DHX15: variants seen among roughly 807,000 people sequenced by gnomAD.
The protein encoded by DHX15 is DEAH-box helicase 15.
A neutral mutation model predicts 94.4 loss-of-function variants in DHX15; 11 were observed. The ratio of observed to expected loss-of-function variants is 0.12; its 90% CI spans 0.07 to 0.19. The LOEUF (loss-of-function observed/expected upper bound fraction) is 0.19. Ranked by LOEUF, DHX15 falls within the 10% of genes least tolerant of loss-of-function variation. DHX15 has a pLI of 1.00. For missense variants in DHX15, 304 were observed against 988.5 expected, an observed-to-expected ratio of 0.31 and a Z score of 9.29; for synonymous variants, 338 against 329.9, an observed-to-expected ratio of 1.02 and a Z score of -0.27.
chr4:24,529,112 C>A (rs1340423490), intron 13 of DHX15, among the ~76,000 whole-genome samples: 1 of 152,170 alleles, frequency 6.6e-6, no homozygotes, highest in African/African-American at 2.4e-5. Flanking sequence ...CAACCTCAAA[C>A]TCCTGGGCTC....
At chr4:24,544,384 G>A (rs1002535333) in intron 6 of DHX15, among the ~76,000 whole-genome samples, 4 of 152,004 alleles carry the variant, frequency 2.6e-5, no homozygotes, top group Admixed American at 2.6e-4. Context: ...CTACCAAGAG[G>A]GTATTTCAGA....
intron 3 of DHX15, among the ~76,000 whole-genome samples, chr4:24,570,348 C>T (rs1375469710): frequency 6.6e-6 from 1 of 152,166 alleles, no homozygotes; most frequent in Non-Finnish European, 1.5e-5. Context: ...CTTTCCTTTT[C>T]TTTCACAATT....
At chr4:24,583,744 C>T (rs1042473411) in intron 1 of DHX15, among the ~76,000 whole-genome samples, 1 of 152,234 alleles carries the variant, frequency 6.6e-6, no homozygotes, top group African/African-American at 2.4e-5. Flanking sequence ...CCCACCTCCC[C>T]CGAGAACTCC....
chr4:24,574,726 A>T (rs551611428), intron 2 of DHX15, among the ~76,000 whole-genome samples: 1 of 152,320 alleles, frequency 6.6e-6, no homozygotes, highest in South Asian at 2.1e-4. Context: ...GTGGTGATGA[A>T]TATCTTCCTG....
At chr4:24,530,080 A>G (rs1721041760) in intron 12 of DHX15, 2 of 409,116 alleles carry the variant, frequency 4.9e-6, no homozygotes, top group South Asian at 5.2e-5. Flanking sequence ...TTCAGTATCC[A>G]TAAGGAAAGT....
At chr4:24,562,490 G>A (rs746157111) in intron 3 of DHX15, among the ~76,000 whole-genome samples, 3 of 152,118 alleles carry the variant, frequency 2.0e-5, no homozygotes, top group African/African-American at 4.8e-5. Context: ...AATTTCTTCC[G>A]TAATGGTCCC....
intron 2 of DHX15, among the ~76,000 whole-genome samples, chr4:24,573,121 G>A (rs982376828): frequency 2.6e-5 from 4 of 152,122 alleles, no homozygotes; most frequent in African/African-American, 7.2e-5. Flanking sequence ...ATATTGGCCA[G>A]GCTGGTCTCA....
intron 1 of DHX15, among the ~76,000 whole-genome samples, chr4:24,583,169 T>G (rs1722456204): frequency 6.6e-6 from 1 of 152,234 alleles, no homozygotes. Flanking sequence ...TGCAAAGTAT[T>G]TGGCTACTCG....
intron 1 of DHX15, among the ~76,000 whole-genome samples, chr4:24,577,324 C>T (rs1372809722): frequency 1.3e-5 from 2 of 152,292 alleles, no homozygotes; most frequent in Middle Eastern, 3.4e-3. Flanking sequence ...ATACGAATTA[C>T]AGGACTGCAG....
chr4:24,582,494 A>G (rs371246309), intron 1 of DHX15, among the ~76,000 whole-genome samples: 2 of 152,348 alleles, frequency 1.3e-5, no homozygotes. Flanking sequence ...TCCCTCCCAG[A>G]ATATTTTGTT....
intron 7 of DHX15, among the ~76,000 whole-genome samples, chr4:24,542,388 C>G (rs1040674111): frequency 5.4e-4 from 82 of 152,266 alleles, no homozygotes; most frequent in African/African-American, 1.9e-3. Flanking sequence ...GGTCTGAGTA[C>G]TATTACTCTG....
At chr4:24,529,278 A>G (rs1484212318) in intron 13 of DHX15, among the ~76,000 whole-genome samples, 1 of 152,058 alleles carries the variant, frequency 6.6e-6, no homozygotes, top group African/African-American at 2.4e-5. Context: ...GCTTCAAGTG[A>G]TCCTCCCATC....
intron 2 of DHX15, 100 bp from the exon 3 acceptor site, chr4:24,570,947 AT>A: frequency 1.7e-6 from 2 of 1,209,784 alleles, no homozygotes; most frequent in Non-Finnish European, 2.3e-6. Context: ...TTAAAACCAA[AT>A]CCAATTAGGC....
At chr4:24,531,066 T>A (rs1160182217) in intron 12 of DHX15, among the ~76,000 whole-genome samples, 1 of 151,936 alleles carries the variant, frequency 6.6e-6, no homozygotes, top group African/African-American at 2.4e-5. Context: ...TTAAGAAGTA[T>A]AATGCTTGAA....
chr4:24,532,677 C>G (rs1457377928), intron 12 of DHX15, among the ~76,000 whole-genome samples, 187 bp downstream of exon 12: 1 of 152,160 alleles, frequency 6.6e-6, no homozygotes, highest in Non-Finnish European at 1.5e-5. Flanking sequence ...TAATTTGTTA[C>G]TCATTAAATA....
At chr4:24,556,186 T>C (rs1420636266) in intron 4 of DHX15, 65 bp downstream of exon 4, 9 of 1,397,364 alleles carry the variant, frequency 6.4e-6, no homozygotes, top group Non-Finnish European at 9.0e-6. Context: ...GATCAGTATG[T>C]ATTCCCCATT....
At chr4:24,551,949 C>A (rs1577340411) in intron 5 of DHX15, among the ~76,000 whole-genome samples, 1 of 152,114 alleles carries the variant, frequency 6.6e-6, no homozygotes, top group African/African-American at 2.4e-5. Flanking sequence ...GCTAAGTATG[C>A]AAGGAGCTAA....
At chr4:24,551,134 C>G (rs1721594025) in intron 5 of DHX15, among the ~76,000 whole-genome samples, 1 of 152,182 alleles carries the variant, frequency 6.6e-6, no homozygotes, top group South Asian at 2.1e-4. Context: ...TATGATAGCT[C>G]TGGGAGAGGC....
At chr4:24,572,831 T>C (rs1369673342) in intron 2 of DHX15, among the ~76,000 whole-genome samples, 2 of 152,290 alleles carry the variant, frequency 1.3e-5, no homozygotes, top group African/African-American at 4.8e-5. Context: ...TGTTCACATT[T>C]CTAAGGAAAA....
Sources: gnomAD v4.1 joint callset for allele counts (sites outside exome capture counted in the v4.1 genomes callset) on GRCh38, gnomAD v4.1.1 for gene constraint, MANE v1.5 for transcripts, NCBI Gene and HGNC (gene_info 2026-07-23, HGNC 2026-07-21) for gene names.